The following ZMAT3 variants were observed in gnomAD, a reference collection of about 807,000 sequenced individuals.
ZMAT3 encodes zinc finger matrin-type 3.
A neutral mutation model predicts 32.3 loss-of-function variants in ZMAT3; 17 were observed. The ratio of observed to expected loss-of-function variants is 0.53; its 90% CI spans 0.36 to 0.79. The LOEUF is 0.79. Ranked by LOEUF, ZMAT3 falls within the 30% of genes least tolerant of loss-of-function variation. The pLI, the probability that ZMAT3 is intolerant of heterozygous loss-of-function variation, is 0.00. For missense variants in ZMAT3, 329 were observed against 359.7 expected, an observed-to-expected ratio of 0.91 and a Z score of 0.69; for synonymous variants, 120 against 133.1, an observed-to-expected ratio of 0.90 and a Z score of 0.68.
At chr3:179,042,135 C>T (rs985796365) in intron 2 of ZMAT3, among the ~76,000 whole-genome samples, 1 of 152,152 alleles carries the variant, frequency 6.6e-6, no homozygotes, top group Non-Finnish European at 1.5e-5. Context: ...GACAGATTCA[C>T]AGCCGAATTC....
At chr3:179,040,788 TAA>T (rs1482120635) in intron 2 of ZMAT3, among the ~76,000 whole-genome samples, 3 of 151,054 alleles carry the variant, frequency 2.0e-5, no homozygotes, top group African/African-American at 2.4e-5. Flanking sequence ...GCAAATTGGA[TAA>T]AGAGTCACAA....
At position 179,067,348 on chromosome 3, in the gene ZMAT3, C is replaced by G. The variant is rs1721467715; in HGVS notation, c.270+135G>C. The G allele has an allele frequency of 7.2e-6, 7 of 965,762 alleles. No homozygotes were observed. The Admixed American group carries it at 1.7e-4, about 23-fold the overall frequency. The allele number at this position is 965,762 out of a possible 1,614,324, so 59.8% of individuals were successfully genotyped here. ...TAAAAACATAAGGCTTTTAATCAAA[C>G]AAATTCATAGTTAGTTGTTCTCTAA... On this transcript the variant is annotated intron_variant, in intron 2 of 5. Coordinates refer to ENST00000311417, the MANE Select transcript of ZMAT3 (RefSeq NM_022470.4).
chr3:179,043,587 G>T (rs1012130846), intron 2 of ZMAT3, among the ~76,000 whole-genome samples: 3 of 152,198 alleles, frequency 2.0e-5, no homozygotes, highest in African/African-American at 4.8e-5. Context: ...ATGGATTAAA[G>T]ACTTAAATGT....
chr3:179,059,449 G>A (rs61798202), intron 2 of ZMAT3, among the ~76,000 whole-genome samples: 8,139 of 152,226 alleles, frequency 0.053, 304 homozygotes, highest in Middle Eastern at 0.15. Context: ...ACTGGACCAG[G>A]CCTTTTCAAA....
rs180738756 is a variant in ZMAT3 at position 179,048,846 on chromosome 3, T to G, written c.271-17847A>C. Among the ~76,000 whole-genome samples, 466 of 148,928 alleles carry G rather than the reference T, an allele frequency of 3.1e-3. 1 individual carries two copies. Among genetic ancestry groups the G allele is most frequent in the Non-Finnish European group, 5.8e-3 (394 of 67,538 alleles). The stretch of plus-strand genomic sequence containing the variant: ...TGTCAATATTAACATTGAATGCAAA[T>G]TGCCTAAATTCTCCACTTAAAATAT... On this transcript the variant is annotated intron_variant, in intron 2 of 5. Coordinates refer to ENST00000311417, the MANE Select transcript of ZMAT3 (RefSeq NM_022470.4).
intron 2 of ZMAT3, among the ~76,000 whole-genome samples, chr3:179,036,548 C>T (rs1029841054): frequency 6.6e-6 from 1 of 151,940 alleles, no homozygotes; most frequent in African/African-American, 2.4e-5. Flanking sequence ...CAAGTAATAG[C>T]ATATTGGATA....
intron 2 of ZMAT3, among the ~76,000 whole-genome samples, chr3:179,054,573 T>G (rs757984546): frequency 6.6e-6 from 1 of 152,216 alleles, no homozygotes; most frequent in Non-Finnish European, 1.5e-5. Flanking sequence ...AATTTAAAAA[T>G]TAAAAAATTC....
rs968275161 is a variant in ZMAT3 at position 179,020,159 on chromosome 3, T to C, written c.*4858A>G. 6 of 152,202 alleles carry C rather than the reference T, an allele frequency of 3.9e-5. No individual in the cohort carries two copies. Among genetic ancestry groups the C allele is most frequent in the Admixed American group, 3.9e-4 (6 of 15,270 alleles). The allele number at this position is 152,202 out of a possible 1,614,324, so 9.4% of individuals were successfully genotyped here. On this transcript the variant is annotated 3_prime_UTR_variant, in exon 6 of 6. Transcript: ENST00000311417. ...TATGAATGGTGATTAATAGCAATAATTCTGTCTCTCTTCTCTCTGTGAAAT... is the reference window on the plus strand; with the variant it reads ...TATGAATGGTGATTAATAGCAATAACTCTGTCTCTCTTCTCTCTGTGAAAT...
chr3:179,066,815 C>T lies in ZMAT3; in HGVS notation c.270+668G>A, dbSNP rs890526299. On this transcript the variant is annotated intron_variant, in intron 2 of 5. Coordinates refer to ENST00000311417, the MANE Select transcript of ZMAT3 (RefSeq NM_022470.4). ...CCTTTAAAATGGTCCTTTCCACTAG[C>T]TATTCAACATGGAGGTGAAAGCTTT... 2.6e-5 allele frequency among the ~76,000 whole-genome samples: 4 copies of T among 152,188 alleles called. No individual in the cohort carries two copies. In the South Asian group the frequency reaches 8.3e-4, roughly 32 times the overall value.
intron 2 of ZMAT3, among the ~76,000 whole-genome samples, chr3:179,058,664 G>A (rs1164595919): frequency 6.7e-6 from 1 of 150,326 alleles, no homozygotes; most frequent in Non-Finnish European, 1.5e-5. Flanking sequence ...GCTGAGGCAG[G>A]AGAATGGCAT....
chr3:179,037,773 G>C (rs1719683182), intron 2 of ZMAT3, among the ~76,000 whole-genome samples: 1 of 152,158 alleles, frequency 6.6e-6, no homozygotes, highest in African/African-American at 2.4e-5. Context: ...AAACAGGTGA[G>C]AATTTGAATC....
Position 179,018,935 on chromosome 3 carries a change from A to C in ZMAT3, c.*6082T>G, listed in dbSNP as rs1363202747. ...AGTTGTTTAAAACAGCTAATTATAT[A>C]GGGGTTTGACCCTTTACTCCCCTCT... On this transcript the variant is annotated 3_prime_UTR_variant, in exon 6 of 6. Transcript: ENST00000311417. 1.3e-5 allele frequency: 2 copies of C among 152,164 alleles called. No homozygotes were observed. The highest frequency in any genetic ancestry group is 2.9e-5 in the Non-Finnish European group (2 of 68,022). The allele number at this position is 152,164 out of a possible 1,614,324, so 9.4% of individuals were successfully genotyped here.
Position 179,024,532 on chromosome 3 carries a change from T to C in ZMAT3, c.*485A>G, listed in dbSNP as rs942642189. On this transcript the variant is annotated 3_prime_UTR_variant, in exon 6 of 6. Coordinates refer to ENST00000311417, the MANE Select transcript of ZMAT3 (RefSeq NM_022470.4). ...AACAGTTTCTAATAATGTATTCTAC[T>C]GACAATGCATTGAGGTGGCGGTTCT... 2.5e-5 allele frequency: 4 copies of C among 159,922 alleles called. No homozygotes were observed. Among genetic ancestry groups the C allele is most frequent in the African/African-American group, 9.6e-5 (4 of 41,558 alleles). 9.9% of individuals were successfully genotyped at this position (159,922 alleles called of 1,614,324 possible).
intron 2 of ZMAT3, among the ~76,000 whole-genome samples, chr3:179,032,293 C>T (rs1265866787): frequency 6.6e-6 from 1 of 151,960 alleles, no homozygotes; most frequent in Non-Finnish European, 1.5e-5. Context: ...CAGAGTCTCG[C>T]TCACTCAGTG....
At chr3:179,055,029 A>C (rs1017719110) in intron 2 of ZMAT3, among the ~76,000 whole-genome samples, 3 of 152,204 alleles carry the variant, frequency 2.0e-5, no homozygotes, top group African/African-American at 7.2e-5. Flanking sequence ...GTCAGAGAAC[A>C]CGAGGCTTGC....
intron 2 of ZMAT3, among the ~76,000 whole-genome samples, chr3:179,062,797 A>G (rs1226920820): frequency 1.3e-5 from 2 of 152,224 alleles, no homozygotes; most frequent in Admixed American, 6.5e-5. Context: ...CTGGATCTAA[A>G]AGACTATCTC....
At position 179,021,378 on chromosome 3, in the gene ZMAT3, G is replaced by C. The variant is rs979197927; in HGVS notation, c.*3639C>G. On this transcript the variant is annotated 3_prime_UTR_variant, in exon 6 of 6. Coordinates refer to ENST00000311417, the MANE Select transcript of ZMAT3 (RefSeq NM_022470.4). Reference sequence around the variant, plus strand: ...CAATCCAATCTTTTAGTTGAAACACGAATTTTCTTTCTTTACAACTTCTTA... The same window carrying C: ...CAATCCAATCTTTTAGTTGAAACACCAATTTTCTTTCTTTACAACTTCTTA... 6.6e-6 allele frequency: 1 copy of C among 152,096 alleles called. No homozygotes were observed. The highest frequency in any genetic ancestry group is 2.4e-5 in the African/African-American group (1 of 41,436). 9.4% of individuals were successfully genotyped at this position (152,096 alleles called of 1,614,324 possible).
rs181453654 is a variant in ZMAT3, at chr3:179,056,026, C to A, written c.270+11457G>T. Among the ~76,000 whole-genome samples the A allele has an allele frequency of 2.8e-4, 42 of 152,164 alleles. 1 individual carries two copies. The South Asian group carries it at 8.5e-3, about 31-fold the overall frequency. Reference sequence around the variant, plus strand: ...AGGACTGAGGAAAACTAGGAAGAAGCCTATGAATTACTCAATGATGTCCAC... The same window carrying A: ...AGGACTGAGGAAAACTAGGAAGAAGACTATGAATTACTCAATGATGTCCAC... On this transcript the variant is annotated intron_variant, in intron 2 of 5. Transcript: ENST00000311417.
Position 179,019,285 on chromosome 3 carries a change from A to AG in ZMAT3, c.*5731_*5732insC, listed in dbSNP as rs1718424651. ...ACAAAAGTCCACAGGAGGAAAAAAA[A>AG]AAAAGTATGTTAATTGGCTCAGATT... On this transcript the variant is annotated 3_prime_UTR_variant, in exon 6 of 6. Transcript: ENST00000311417. The AG allele has an allele frequency of 6.6e-6, 1 of 152,140 alleles. No individual in the cohort carries two copies. The highest frequency in any genetic ancestry group is 1.5e-5 in the Non-Finnish European group (1 of 68,002). The allele number at this position is 152,140 out of a possible 1,614,324, so 9.4% of individuals were successfully genotyped here. A position where few individuals can be genotyped will look rare whatever the true frequency, so the allele number is the denominator to read the frequency against.
Sources: allele counts gnomAD v4.1 joint callset (sites outside exome capture counted in the v4.1 genomes callset), GRCh38; gene constraint gnomAD v4.1.1; transcripts MANE v1.5; gene names NCBI Gene and HGNC (gene_info 2026-07-23, HGNC 2026-07-21).